C3orf22: variants seen among roughly 807,000 people sequenced by gnomAD.
C3orf22 encodes the protein chromosome 3 open reading frame 22, also known as uncharacterized protein C3orf22.
Under a neutral mutation model 10.8 loss-of-function variants are expected in C3orf22, and 7 were observed. The observed-to-expected ratio is 0.65, with a 90% CI of 0.37 to 1.22. The LOEUF (loss-of-function observed/expected upper bound fraction) is 1.22, where lower values mean the gene tolerates loss of function less well. Ranked by LOEUF, C3orf22 falls within the 50% of genes most tolerant of loss-of-function variation. The pLI, the probability that C3orf22 is intolerant of heterozygous loss-of-function variation, is 0.02. For synonymous variants in C3orf22, 79 were observed against 78.9 expected (o/e 1.00, Z 0.00); for missense variants, 173 against 177.0 (o/e 0.98, Z 0.13).
At chr3:126,547,320 A>G (rs1158565839), downstream of C3orf22, among the ~76,000 whole-genome samples, 1 of 152,150 alleles carries the variant, frequency 6.6e-6, no homozygotes, top group Non-Finnish European at 1.5e-5. Context: ...TTCAGCTGTC[A>G]CCCGCTCCTC....
chr3:126,542,689 C>G, intron 4 of C3orf22: 1 of 1,347,718 alleles, frequency 7.4e-7, no homozygotes, highest in Non-Finnish European at 9.5e-7. Flanking sequence ...ACTGCGTGCA[C>G]TCACCTGGCC....
intron 3 of C3orf22, among the ~76,000 whole-genome samples, chr3:126,551,321 C>T (rs1052008280): frequency 6.6e-6 from 1 of 152,148 alleles, no homozygotes; most frequent in African/African-American, 2.4e-5. Context: ...ATTCAGGAGG[C>T]TAGGGGTCCT....
chr3:126,549,130 G>T (rs1015310213), downstream of C3orf22, among the ~76,000 whole-genome samples: 1 of 152,098 alleles, frequency 6.6e-6, no homozygotes, highest in African/African-American at 2.4e-5. Context: ...TGTAATACAG[G>T]AATATGGCAT....
rs1336289565 is a variant in C3orf22, at chr3:126,550,040, C to T, written c.254G>A (p.Cys85Tyr). Residue 85 changes from cysteine (C) to tyrosine (Y), a missense_variant, in exon 4 of 4, where the codon TGC becomes TAC. By Grantham distance (194) the Cys-to-Tyr change is radical. Transcript: ENST00000318225. ...APDFTSPSGS[C>Y]PAPLPAPSPP... ...TGATGGTGCTGGTAGTGGTGCCGGG[C>T]AGGAGCCAGACGGTGATGTAAAATC... is the stretch of plus-strand genomic sequence containing the variant. 8 of 1,613,856 alleles carry T rather than the reference C, an allele frequency of 5.0e-6. No individual in the cohort carries two copies. Among genetic ancestry groups the T allele is most frequent in the Middle Eastern group, 1.6e-4 (1 of 6,078 alleles).
At chr3:126,530,627 G>A (rs1260178333) in intron 4 of C3orf22, among the ~76,000 whole-genome samples, 3 of 152,250 alleles carry the variant, frequency 2.0e-5, no homozygotes, top group Admixed American at 6.5e-5. Context: ...TGGCACCAGC[G>A]GAGCTCCCCA....
At chr3:126,531,121 C>T (rs768376961) in intron 4 of C3orf22, among the ~76,000 whole-genome samples, 12 of 152,270 alleles carry the variant, frequency 7.9e-5, no homozygotes, top group Non-Finnish European at 1.5e-4. Context: ...ACTGCGCTGG[C>T]GCAGCTGGTG....
chr3:126,556,930 A>ACAC lies in C3orf22; in HGVS notation c.-41+1696_-41+1697insGTG, dbSNP rs1937356319. Among the ~76,000 whole-genome samples, 26 of 60,234 alleles carry ACAC rather than the reference A, an allele frequency of 4.3e-4. 2 individuals carry two copies. Among genetic ancestry groups the ACAC allele is most frequent in the Admixed American group, 4.1e-3 (25 of 6,106 alleles). 39.5% of individuals were successfully genotyped at this position (60,234 alleles called of 152,430 possible). A position where few individuals can be genotyped will look rare whatever the true frequency, so the allele number is the denominator to read the frequency against. ...CACACACATAGACACACACAGACAC[A>ACAC]TACACACTCACACACTCATACACAC... On this transcript the variant is annotated intron_variant, in intron 1 of 3. Coordinates refer to ENST00000318225, the MANE Select transcript of C3orf22 (RefSeq NM_152533.3).
intron 4 of C3orf22, chr3:126,542,224 C>T (rs1576238721): frequency 1.3e-6 from 2 of 1,499,818 alleles, no homozygotes; most frequent in Admixed American, 2.2e-5. Flanking sequence ...ACGACGTGCG[C>T]TTCGCGGAGT....
intron 1 of C3orf22, among the ~76,000 whole-genome samples, chr3:126,557,001 CAT>C (rs368377342): frequency 2.6e-3 from 140 of 53,454 alleles, no homozygotes; most frequent in African/African-American, 8.4e-3. Flanking sequence ...CACATAGACA[CAT>C]ACACACAGAC....
At chr3:126,539,998 C>T (rs554652257) in intron 4 of C3orf22, among the ~76,000 whole-genome samples, 2 of 121,434 alleles carry the variant, frequency 1.6e-5, no homozygotes, top group East Asian at 4.8e-4. Flanking sequence ...GACACACACA[C>T]ACAAATGCCA....
intron 4 of C3orf22, among the ~76,000 whole-genome samples, chr3:126,543,746 GTGTGTA>G (rs919791231): frequency 3.3e-4 from 50 of 152,140 alleles, no homozygotes; most frequent in East Asian, 1.9e-4. Flanking sequence ...GAGAGGAATT[GTGTGTA>G]TGTGTATGTG....
At chr3:126,530,038 A>T (rs1240988425) in intron 4 of C3orf22, among the ~76,000 whole-genome samples, 1 of 152,174 alleles carries the variant, frequency 6.6e-6, no homozygotes, top group African/African-American at 2.4e-5. Context: ...TGGATGCCCC[A>T]GTGTGGCCCT....
chr3:126,536,988 T>C (rs974011272), intron 4 of C3orf22, among the ~76,000 whole-genome samples: 8 of 151,940 alleles, frequency 5.3e-5, no homozygotes, highest in African/African-American at 1.9e-4. Context: ...CAGGCTGTGG[T>C]CAGGATGCTG....
At chr3:126,542,549 T>TCCGC (rs758783079) in intron 4 of C3orf22, 82 of 1,515,838 alleles carry the variant, frequency 5.4e-5, no homozygotes, top group Non-Finnish European at 7.0e-5. Flanking sequence ...TTTCAACTAC[T>TCCGC]CCGCCCCCTC....
In C3orf22 at chr3:126,541,622, G is replaced by A. The variant is rs576121588; in HGVS notation, c.286+7915C>T. On this transcript the variant is annotated intron_variant and NMD_transcript_variant, in intron 4 of 5. Coordinates refer to the C3orf22 transcript ENST00000505070. The stretch of plus-strand genomic sequence containing the variant: ...CCCTGGGGTTCGAATTTGGGTGCCC[G>A]GCGCAGCTCCTGCTCCCAATTCCCG... 3.0e-4 allele frequency: 322 copies of A among 1,074,252 alleles called. 1 individual carries two copies. The highest frequency in any genetic ancestry group is 1.9e-3 in the Middle Eastern group (6 of 3,200). The allele number at this position is 1,074,252 out of a possible 1,614,324, so 66.5% of individuals were successfully genotyped here. A position where few individuals can be genotyped will look rare whatever the true frequency, so the allele number is the denominator to read the frequency against.
chr3:126,528,614 C>G (rs1246085283), intron 5 of C3orf22, among the ~76,000 whole-genome samples: 1 of 152,014 alleles, frequency 6.6e-6, no homozygotes, highest in Non-Finnish European at 1.5e-5. Context: ...GGGGCCTACC[C>G]GGGGCTGGCC....
In C3orf22 at chr3:126,550,017, A is replaced by C. The variant is rs761603029; in HGVS notation, c.277T>G (p.Ser93Ala). 9.9e-6 allele frequency: 16 copies of C among 1,614,042 alleles called. No homozygotes were observed. The Admixed American group carries it at 2.0e-4, about 20-fold the overall frequency. The part of the protein sequence containing the change: ...GSCPAPLPAP[S>A]PPPLCNLWEL... ...CAAAGGTTGCACAGTGGAGGTGGTG[A>C]TGGTGCTGGTAGTGGTGCCGGGCAG... The change falls in exon 4 of 4, where the codon TCA (serine) becomes GCA (alanine). Residue 93 changes from serine (S) to alanine (A), a missense_variant. Physicochemically the swap from Ser to Ala is moderately conservative, Grantham distance 99. Coordinates refer to ENST00000318225, the MANE Select transcript of C3orf22 (RefSeq NM_152533.3).
chr3:126,541,945 C>G (rs1226463896), intron 4 of C3orf22: 2 of 1,586,164 alleles, frequency 1.3e-6, no homozygotes, highest in African/African-American at 2.7e-5. Flanking sequence ...GCGGCCAAGC[C>G]CGCGGCGACC....
chr3:126,542,358 C>T (rs1439510963), intron 4 of C3orf22: 9 of 1,566,130 alleles, frequency 5.7e-6, no homozygotes, highest in South Asian at 1.2e-5. Flanking sequence ...AAGTTCGAGA[C>T]GCTGGCGGAG....
Sources: allele counts gnomAD v4.1 joint callset (sites outside exome capture counted in the v4.1 genomes callset), GRCh38; gene constraint gnomAD v4.1.1; transcripts MANE v1.5; gene names NCBI Gene and HGNC (gene_info 2026-07-23, HGNC 2026-07-21).